KDM4C: variants seen among roughly 807,000 people sequenced by gnomAD.
KDM4C encodes the protein lysine demethylase 4C.
A neutral mutation model predicts 129.3 loss-of-function variants in KDM4C; 81 were observed. The ratio of observed to expected loss-of-function variants is 0.63; its 90% confidence interval spans 0.52 to 0.75. The LOEUF (loss-of-function observed/expected upper bound fraction) is 0.75. KDM4C is among the 30% of genes least tolerant of loss of function. The pLI is 0.00. For missense variants in KDM4C, 1,457 were observed against 1,304.0 expected (o/e 1.12, Z -1.81); for synonymous variants, 573 against 456.1 (o/e 1.26, Z -3.26).
At chr9:7,162,592 C>A (rs775554787) in intron 19 of KDM4C, among the ~76,000 whole-genome samples, 3 of 152,162 alleles carry the variant, frequency 2.0e-5, no homozygotes, top group Non-Finnish European at 2.9e-5. Context: ...GCAATTTATG[C>A]TTGTCCAGTC....
At chr9:6,986,795 A>G (rs769222590) in intron 11 of KDM4C, 129 bp downstream of exon 11, 41 of 657,462 alleles carry the variant, frequency 6.2e-5, no homozygotes, top group Admixed American at 2.5e-4. Flanking sequence ...ATGGGTCTTA[A>G]TCATATTCAT....
chr9:6,814,103 G>T (rs1246090886), intron 3 of KDM4C, among the ~76,000 whole-genome samples: 1 of 152,020 alleles, frequency 6.6e-6, no homozygotes, highest in South Asian at 2.1e-4. Flanking sequence ...ATTATATGCT[G>T]GAATGGTTTT....
intron 1 of KDM4C, chr9:6,723,583 C>T (rs1299383682): frequency 6.7e-6 from 1 of 150,250 alleles, no homozygotes; most frequent in Non-Finnish European, 1.5e-5. Context: ...TCTGCACTGC[C>T]TTGCACTCCC....
rs536438615 is a variant in KDM4C at position 6,854,536 on chromosome 9, A to C, written c.629+4836A>C. ...GCGAAACTCCGTCTCAAAAAAAAAA[A>C]AAAAAAAAACAAAAAAAAAACTAAC... On this transcript the variant is annotated intron_variant, in intron 5 of 21. Coordinates refer to ENST00000381309, the MANE Select transcript of KDM4C (RefSeq NM_015061.6). 9.4e-4 allele frequency among the ~76,000 whole-genome samples: 138 copies of C among 146,204 alleles called. 3 individuals are homozygous for C. The East Asian group carries it at 0.014, about 15-fold the overall frequency.
intron 18 of KDM4C, among the ~76,000 whole-genome samples, chr9:7,127,208 C>T (rs1840116800): frequency 6.6e-6 from 1 of 152,152 alleles, no homozygotes. Context: ...TCAACGGACA[C>T]TAATTCCAAA....
intron 17 of KDM4C, among the ~76,000 whole-genome samples, chr9:7,097,614 A>G (rs1836591891): frequency 6.6e-6 from 1 of 152,030 alleles, no homozygotes; most frequent in African/African-American, 2.4e-5. Flanking sequence ...TGCTCAGTAG[A>G]ATGGTTTGAG....
chr9:6,841,963 T>A (rs1837008481), intron 4 of KDM4C, among the ~76,000 whole-genome samples: 1 of 152,208 alleles, frequency 6.6e-6, no homozygotes, highest in Admixed American at 6.5e-5. Flanking sequence ...GCTTTGTGTT[T>A]TGCCATTTTA....
intron 11 of KDM4C, chr9:6,986,962 T>C (rs886703412): frequency 1.0e-5 from 3 of 285,716 alleles, no homozygotes; most frequent in Non-Finnish European, 2.0e-5. Flanking sequence ...TATGCAGTTG[T>C]GGGAAATAGT....
intron 18 of KDM4C, among the ~76,000 whole-genome samples, chr9:7,124,326 T>A (rs1404156689): frequency 6.6e-6 from 1 of 152,212 alleles, no homozygotes; most frequent in Non-Finnish European, 1.5e-5. Flanking sequence ...TGTTTTTCAG[T>A]TTGACAGAGA....
At chr9:6,963,059 A>G (rs1202364932) in intron 8 of KDM4C, among the ~76,000 whole-genome samples, 1 of 152,194 alleles carries the variant, frequency 6.6e-6, no homozygotes, top group Non-Finnish European at 1.5e-5. Context: ...CATGAACTTT[A>G]TGCAAATTAC....
At chr9:7,077,202 G>A (rs1771312007) in intron 17 of KDM4C, 1 of 985,370 alleles carries the variant, frequency 1.0e-6, no homozygotes, top group Non-Finnish European at 1.2e-6. Context: ...GGGAAGAGAG[G>A]TCATTGGCAT....
chr9:7,126,405 C>G (rs1840028710), intron 18 of KDM4C, among the ~76,000 whole-genome samples: 1 of 152,076 alleles, frequency 6.6e-6, no homozygotes, highest in Non-Finnish European at 1.5e-5. Context: ...TTCTACAGGT[C>G]TTAAAAATTA....
chr9:6,848,985 A>G (rs902775597), intron 4 of KDM4C, among the ~76,000 whole-genome samples: 2 of 152,224 alleles, frequency 1.3e-5, no homozygotes, highest in South Asian at 4.1e-4. Flanking sequence ...GAAACAATGT[A>G]TTACATGCTA....
At position 7,116,241 on chromosome 9, in the gene KDM4C, T is replaced by C. The variant is rs527671026; in HGVS notation, c.2611-11825T>C. Among the ~76,000 whole-genome samples the C allele has an allele frequency of 3.0e-3, 461 of 152,316 alleles. 6 individuals carry two copies. Among genetic ancestry groups the C allele is most frequent in the Middle Eastern group, 0.02 (6 of 294 alleles). On this transcript the variant is annotated intron_variant, in intron 18 of 21. Transcript: ENST00000381309. ...TTGTTTGTCCCTCGAGTGGGCCTTTTAGTTAAGTTTGTTCACCTTTCCCCA... is the reference window on the plus strand; with the variant it reads ...TTGTTTGTCCCTCGAGTGGGCCTTTCAGTTAAGTTTGTTCACCTTTCCCCA...
chr9:7,006,218 C>T (rs531921566), intron 12 of KDM4C, among the ~76,000 whole-genome samples: 1 of 152,282 alleles, frequency 6.6e-6, no homozygotes, highest in South Asian at 2.1e-4. Context: ...TCTTAAGATA[C>T]TCAAAGTGAA....
intron 8 of KDM4C, among the ~76,000 whole-genome samples, chr9:6,964,102 A>C (rs1243251414): frequency 3.9e-5 from 6 of 151,940 alleles, no homozygotes; most frequent in Admixed American, 6.6e-5. Flanking sequence ...TATTTATTTC[A>C]GTTATACTTT....
At chr9:6,911,724 A>T (rs1819349297) in intron 8 of KDM4C, among the ~76,000 whole-genome samples, 1 of 152,242 alleles carries the variant, frequency 6.6e-6, no homozygotes, top group Admixed American at 6.5e-5. Context: ...TATTGTGGTC[A>T]TGAAGCTTTT....
chr9:6,877,550 G>T (rs1238567106), intron 5 of KDM4C, among the ~76,000 whole-genome samples: 1 of 152,144 alleles, frequency 6.6e-6, no homozygotes, highest in East Asian at 1.9e-4. Context: ...TGTATTTAGA[G>T]AACAGAATTG....
intron 4 of KDM4C, among the ~76,000 whole-genome samples, chr9:6,827,323 G>T (rs190722593): frequency 3.3e-5 from 5 of 152,286 alleles, no homozygotes; most frequent in Admixed American, 2.0e-4. Context: ...TTTATGATAA[G>T]CAATATTTAA....
Sources: gnomAD v4.1 joint callset for allele counts (sites outside exome capture counted in the v4.1 genomes callset) on GRCh38, gnomAD v4.1.1 for gene constraint, MANE v1.5 for transcripts, NCBI Gene and HGNC (gene_info 2026-07-23, HGNC 2026-07-21) for gene names.